Variants in PRELID2 observed in about 807,000 individuals in gnomAD.
PRELID2 encodes PRELI domain-containing protein 2.
Under a neutral mutation model 28.4 loss-of-function variants are expected in PRELID2, and 25 were observed. The ratio of observed to expected loss-of-function variants is 0.88; its 90% CI spans 0.64 to 1.23. PRELID2 has a LOEUF of 1.23. Among genes scored for constraint, PRELID2 ranks in the 50% most tolerant of loss-of-function variants. The pLI, the probability that PRELID2 is intolerant of heterozygous loss-of-function variation, is 0.00. For synonymous variants in PRELID2, 76 were observed against 71.6 expected (o/e 1.06, Z -0.31); for missense variants, 201 against 214.4 (o/e 0.94, Z 0.39).
At chr5:145,658,694 C>G (rs1754436770) in intron 1 of PRELID2, among the ~76,000 whole-genome samples, 1 of 152,212 alleles carries the variant, frequency 6.6e-6, no homozygotes, top group Non-Finnish European at 1.5e-5. Context: ...TCACCAGAAG[C>G]AGAGCCAATG....
intron 1 of PRELID2, among the ~76,000 whole-genome samples, chr5:145,544,390 T>A (rs1296042053): frequency 6.6e-6 from 1 of 152,152 alleles, no homozygotes; most frequent in Non-Finnish European, 1.5e-5. Flanking sequence ...TTTGCATACA[T>A]TTGTATGGCG....
At chr5:145,263,988 T>A in the PRELID2 span, among the ~76,000 whole-genome samples, 5 of 152,082 alleles carry the variant, frequency 3.3e-5, no homozygotes, top group Non-Finnish European at 1.5e-5. Flanking sequence ...CCTCCCAGGT[T>A]CAAGCAATTC....
At chr5:145,248,214 C>A in the PRELID2 span, among the ~76,000 whole-genome samples, 5 of 152,160 alleles carry the variant, frequency 3.3e-5, 1 homozygote, top group South Asian at 1.0e-3. Flanking sequence ...TCGTTCCCCC[C>A]CCTTCTTAAC....
chr5:145,647,952 C>T (rs945005844), intron 1 of PRELID2, among the ~76,000 whole-genome samples: 17 of 152,248 alleles, frequency 1.1e-4, no homozygotes, highest in South Asian at 2.1e-4. Context: ...GCAGTCTCAC[C>T]GGGAGCTGTA....
chr5:145,725,661 A>C (rs1365626457), intron 1 of PRELID2, among the ~76,000 whole-genome samples: 1 of 152,056 alleles, frequency 6.6e-6, no homozygotes, highest in Non-Finnish European at 1.5e-5. Context: ...GAGGGTGGCC[A>C]ATGTGATTAG....
intron 5 of PRELID2, among the ~76,000 whole-genome samples, chr5:145,770,200 CT>C (rs1339408176): frequency 6.6e-6 from 1 of 152,036 alleles, no homozygotes; most frequent in African/African-American, 2.4e-5. Context: ...TTATGTTGTA[CT>C]TTTTATCATT....
chr5:145,659,847 T>A (rs1389924911), intron 1 of PRELID2, among the ~76,000 whole-genome samples: 2 of 152,198 alleles, frequency 1.3e-5, no homozygotes, highest in Non-Finnish European at 2.9e-5. Flanking sequence ...ATACTTACAA[T>A]TTTTTTAAAT....
chr5:145,576,640 G>A (rs1753062878), intron 1 of PRELID2, among the ~76,000 whole-genome samples: 1 of 148,048 alleles, frequency 6.8e-6, no homozygotes, highest in Admixed American at 6.8e-5. Context: ...AAGAAAATAA[G>A]GTGAGAGATC....
the PRELID2 span, among the ~76,000 whole-genome samples, chr5:145,321,749 A>G: frequency 5.9e-5 from 9 of 152,338 alleles, no homozygotes; most frequent in African/African-American, 1.4e-4. Context: ...GTCTGAAGGG[A>G]GAAATACAAA....
chr5:145,640,283 G>A (rs1276893009), intron 1 of PRELID2, among the ~76,000 whole-genome samples: 3 of 151,906 alleles, frequency 2.0e-5, no homozygotes, highest in African/African-American at 4.8e-5. Context: ...TCAGGAGATC[G>A]AGACCACGGT....
chr5:145,338,356 G>C, the PRELID2 span: 13 of 152,154 alleles, frequency 8.5e-5, no homozygotes, highest in East Asian at 2.5e-3. Flanking sequence ...GTTAATTGTA[G>C]AGCCATTATA....
the PRELID2 span, among the ~76,000 whole-genome samples, chr5:145,416,434 A>C: frequency 6.6e-6 from 1 of 152,062 alleles, no homozygotes. Flanking sequence ...AATTAAACTA[A>C]AGAGCTTCTG....
intron 1 of PRELID2, among the ~76,000 whole-genome samples, chr5:145,678,656 T>G (rs1561541715): frequency 6.6e-6 from 1 of 152,178 alleles, no homozygotes; most frequent in Non-Finnish European, 1.5e-5. Flanking sequence ...ACTAGTACTG[T>G]CAATATACCC....
At chr5:145,706,082 T>C (rs1755539444) in intron 1 of PRELID2, among the ~76,000 whole-genome samples, 1 of 152,106 alleles carries the variant, frequency 6.6e-6, no homozygotes, top group Non-Finnish European at 1.5e-5. Context: ...ATATTACTTA[T>C]GGAATTATTT....
chr5:145,718,365 G>C (rs1755897372), intron 1 of PRELID2, among the ~76,000 whole-genome samples: 1 of 151,770 alleles, frequency 6.6e-6, no homozygotes, highest in African/African-American at 2.4e-5. Context: ...TGACAAAACT[G>C]AATATCTCTC....
chr5:145,647,104 G>A (rs73313767), intron 1 of PRELID2, among the ~76,000 whole-genome samples: 4,364 of 152,316 alleles, frequency 0.029, 192 homozygotes, highest in African/African-American at 0.095. Context: ...TGGGTCTGCT[G>A]AAGCTGCATC....
intron 1 of PRELID2, among the ~76,000 whole-genome samples, chr5:145,493,125 C>T (rs1752281879): frequency 7.5e-6 from 1 of 134,094 alleles, no homozygotes; most frequent in South Asian, 2.9e-4. Flanking sequence ...ATTTTCATAG[C>T]TCTTGTGAAG....
intron 1 of PRELID2, among the ~76,000 whole-genome samples, chr5:145,582,866 T>C (rs1027350672): frequency 1.3e-5 from 2 of 152,046 alleles, no homozygotes; most frequent in Non-Finnish European, 2.9e-5. Context: ...CTACCAGAGA[T>C]ACAAAGAAGA....
At chr5:145,372,950 ATAT>A in the PRELID2 span, among the ~76,000 whole-genome samples, 8 of 49,080 alleles carry the variant, frequency 1.6e-4, no homozygotes, top group South Asian at 2.3e-3. Flanking sequence ...AATATATATG[ATAT>A]TATATATTAC....
Sources: gnomAD v4.1 joint callset for allele counts (sites outside exome capture counted in the v4.1 genomes callset) on GRCh38, gnomAD v4.1.1 for gene constraint, MANE v1.5 for transcripts, NCBI Gene and HGNC (gene_info 2026-07-23, HGNC 2026-07-21) for gene names.